The following USP10 variants were observed in gnomAD, a reference collection of about 807,000 sequenced individuals.
USP10 encodes ubiquitin specific peptidase 10, also known as ubiquitin carboxyl-terminal hydrolase 10.
USP10 carries 22 observed loss-of-function variants against 84.5 expected under a neutral mutation model. That is an observed-to-expected ratio of 0.26 (90% CI 0.19 to 0.37). The LOEUF is 0.37. Among genes scored for constraint, USP10 ranks in the 10% least tolerant of loss-of-function variants. The probability of loss-of-function intolerance (pLI) is 1.00; values close to 1 mark genes in which losing one functional copy is unlikely to be tolerated. For missense variants in USP10, 1,019 were observed against 998.9 expected, an observed-to-expected ratio of 1.02 and a Z score of -0.27; for synonymous variants, 454 against 387.6, an observed-to-expected ratio of 1.17 and a Z score of -2.01.
intron 9 of USP10, 147 bp downstream of exon 9, chr16:84,763,235 A>G: frequency 2.0e-6 from 1 of 489,902 alleles, no homozygotes; most frequent in Non-Finnish European, 3.7e-6. Flanking sequence ...CACCATCGAG[A>G]AGGTTATATT....
chr16:84,776,239 G>C (rs529149920), intron 13 of USP10, among the ~76,000 whole-genome samples: 3 of 152,236 alleles, frequency 2.0e-5, no homozygotes, highest in East Asian at 3.9e-4. Context: ...CTCAGCTCAC[G>C]CCCGATGTTT....
At position 84,714,932 on chromosome 16, in the gene USP10, A is replaced by AT. The variant is rs61139585; in HGVS notation, c.21+14823dup. ...AGTTCTGATTATTATTATTATTATTATTATTTTTTTTTTTTGAGATGGAGT... is the reference window on the plus strand; with the variant it reads ...AGTTCTGATTATTATTATTATTATTATTTATTTTTTTTTTTTGAGATGGAGT... On this transcript the variant is annotated intron_variant, in intron 1 of 13. Transcript: ENST00000219473. Among the ~76,000 whole-genome samples the AT allele has an allele frequency of 8.3e-3, 1,161 of 140,440 alleles. 13 individuals are homozygous for AT. Among genetic ancestry groups the AT allele is most frequent in the African/African-American group, 0.026 (940 of 35,536 alleles). The allele number at this position is 140,440 out of a possible 152,430, so 92.1% of individuals were successfully genotyped here.
chr16:84,758,868 C>T (rs1017981534), intron 5 of USP10, 61 bp downstream of exon 5: 1 of 1,245,174 alleles, frequency 8.0e-7, no homozygotes, highest in Non-Finnish European at 1.2e-6. Flanking sequence ...CCTTTGGGTG[C>T]ATGTGACTTA....
chr16:84,700,634 G>C (rs1281231266), intron 1 of USP10, among the ~76,000 whole-genome samples: 2 of 152,136 alleles, frequency 1.3e-5, no homozygotes, highest in South Asian at 2.1e-4. Context: ...CCGATTTTCT[G>C]TTTTTTAGAT....
At chr16:84,751,523 G>C (rs1296441551) in intron 4 of USP10, among the ~76,000 whole-genome samples, 2 of 152,216 alleles carry the variant, frequency 1.3e-5, no homozygotes, top group Non-Finnish European at 2.9e-5. Context: ...TGAGAGTTTA[G>C]TCCACATCTG....
chr16:84,737,578 A>C (rs1309964436), intron 2 of USP10, among the ~76,000 whole-genome samples: 1 of 152,198 alleles, frequency 6.6e-6, no homozygotes, highest in African/African-American at 2.4e-5. Context: ...CTCTTTTATC[A>C]GCTTAGCAAA....
At chr16:84,778,214 C>T (rs1183014992) in intron 13 of USP10, among the ~76,000 whole-genome samples, 1 of 152,054 alleles carries the variant, frequency 6.6e-6, no homozygotes, top group Non-Finnish European at 1.5e-5. Context: ...CACAGCTCCA[C>T]GCTCAAGCAA....
intron 13 of USP10, among the ~76,000 whole-genome samples, chr16:84,776,353 C>G: frequency 8.8e-6 from 1 of 113,942 alleles, no homozygotes; most frequent in East Asian, 2.5e-4. Flanking sequence ...AGGCCCAGAG[C>G]CACACTGCAA....
chr16:84,712,563 TTC>T (rs1340281893), intron 1 of USP10, among the ~76,000 whole-genome samples: 1 of 152,212 alleles, frequency 6.6e-6, no homozygotes, highest in Non-Finnish European at 1.5e-5. Flanking sequence ...TTTTTGGTGT[TTC>T]TATAATAGTT....
intron 1 of USP10, among the ~76,000 whole-genome samples, chr16:84,732,069 C>G (rs972777074): frequency 3.3e-5 from 5 of 151,998 alleles, no homozygotes; most frequent in African/African-American, 1.2e-4. Flanking sequence ...CTTTTTTGTT[C>G]TTAATGTATA....
chr16:84,742,626 A>G (rs1045374428), intron 3 of USP10, among the ~76,000 whole-genome samples: 1 of 152,032 alleles, frequency 6.6e-6, no homozygotes, highest in African/African-American at 2.4e-5. Context: ...TAATGTATTG[A>G]TTGGGTTGTT....
rs549900767 is a variant in USP10, at chr16:84,732,706, C to G, written c.22-729C>G. The G allele has an allele frequency of 1.1e-3, 320 of 299,256 alleles. 2 individuals carry two copies. Among genetic ancestry groups the G allele is most frequent in the African/African-American group, 6.7e-3 (292 of 43,552 alleles). The allele number at this position is 299,256 out of a possible 1,614,324, so 18.5% of individuals were successfully genotyped here. Reference sequence around the variant, plus strand: ...TAAGTGATTCGCCCATGTCAGCCTCCCAGAGTGCTGGGATTATAGGCGTGA... The same window carrying G: ...TAAGTGATTCGCCCATGTCAGCCTCGCAGAGTGCTGGGATTATAGGCGTGA... On this transcript the variant is annotated intron_variant, in intron 1 of 13. Transcript: ENST00000219473.
At chr16:84,769,804 A>G (rs1216778329) in intron 11 of USP10, among the ~76,000 whole-genome samples, 1 of 151,392 alleles carries the variant, frequency 6.6e-6, no homozygotes, top group Non-Finnish European at 1.5e-5. Flanking sequence ...TTCTGCTGCA[A>G]TTACAGTTTG....
chr16:84,734,941 C>G lies in USP10; in HGVS notation c.90+1438C>G, dbSNP rs532099704. On this transcript the variant is annotated intron_variant, in intron 2 of 13. Coordinates refer to ENST00000219473, the MANE Select transcript of USP10 (RefSeq NM_005153.3). Reference sequence around the variant, plus strand: ...AGCCCCGTTGGGCAGTGCATCTCCCCTGGTTCCGAGTGTGCTATTCTGTGG... The same window carrying G: ...AGCCCCGTTGGGCAGTGCATCTCCCGTGGTTCCGAGTGTGCTATTCTGTGG... Among the ~76,000 whole-genome samples, 6 of 152,364 alleles carry G rather than the reference C, an allele frequency of 3.9e-5. No homozygotes were observed. In the East Asian group the frequency reaches 5.8e-4, roughly 15 times the overall value.
intron 9 of USP10, 133 bp downstream of exon 9, chr16:84,763,221 C>G (rs1913415838): frequency 2.0e-6 from 1 of 509,736 alleles, no homozygotes; most frequent in Non-Finnish European, 3.5e-6. Context: ...CCTACGATAA[C>G]TTACACCATC....
At chr16:84,773,301 A>G (rs1914643236) in intron 12 of USP10, among the ~76,000 whole-genome samples, 1 of 152,240 alleles carries the variant, frequency 6.6e-6, no homozygotes, top group Admixed American at 6.5e-5. Context: ...TGGGACTGTG[A>G]TTAGCTAGAG....
At chr16:84,721,740 C>T (rs1014752383) in intron 1 of USP10, among the ~76,000 whole-genome samples, 8 of 152,210 alleles carry the variant, frequency 5.3e-5, no homozygotes, top group Non-Finnish European at 8.8e-5. Flanking sequence ...GCTCTGTTGC[C>T]AGGCTGGAGT....
At chr16:84,727,810 G>A (rs530280759) in intron 1 of USP10, among the ~76,000 whole-genome samples, 2 of 152,288 alleles carry the variant, frequency 1.3e-5, no homozygotes, top group Admixed American at 6.5e-5. Context: ...CTAAGAATAG[G>A]CATATTCTCT....
At chr16:84,701,523 A>G (rs1433322422) in intron 1 of USP10, among the ~76,000 whole-genome samples, 2 of 152,232 alleles carry the variant, frequency 1.3e-5, no homozygotes, top group Non-Finnish European at 2.9e-5. Flanking sequence ...TTAAATCCTA[A>G]TTAACTAGCT....
Sources: allele counts gnomAD v4.1 joint callset (sites outside exome capture counted in the v4.1 genomes callset), GRCh38; gene constraint gnomAD v4.1.1; transcripts MANE v1.5; gene names NCBI Gene and HGNC (gene_info 2026-07-23, HGNC 2026-07-21).